The following ACADM variants were observed in gnomAD, a reference collection of about 807,000 sequenced individuals.
ACADM encodes the protein acyl-CoA dehydrogenase medium chain, also known as medium-chain specific acyl-CoA dehydrogenase, mitochondrial.
ACADM carries 49 observed loss-of-function variants against 58.9 expected under a neutral mutation model. The observed-to-expected ratio is 0.83, with a 90% CI of 0.66 to 1.06. The LOEUF is 1.06. ACADM is among the 50% of genes least tolerant of loss of function. ACADM has a pLI of 0.00. For missense variants in ACADM, 496 were observed against 507.0 expected (o/e 0.98, Z 0.21); for synonymous variants, 160 against 157.7 (o/e 1.01, Z -0.11).
At position 75,759,969 on chromosome 1, in the gene ACADM, C is replaced by A. The variant is rs557187825; in HGVS notation, c.946-1153C>A. Among the ~76,000 whole-genome samples, 355 of 151,842 alleles carry A rather than the reference C, an allele frequency of 2.3e-3. 4 individuals are homozygous for A. The highest frequency in any genetic ancestry group is 8.2e-3 in the African/African-American group (342 of 41,462). Reference sequence around the variant, plus strand: ...AGCCACTGTGCCCAGCCAGCAATTTCTTCTAGAAAGTCCCAGCAGAGGCTG... The same window carrying A: ...AGCCACTGTGCCCAGCCAGCAATTTATTCTAGAAAGTCCCAGCAGAGGCTG... On this transcript the variant is annotated intron_variant, in intron 10 of 11. Coordinates refer to ENST00000370841, the MANE Select transcript of ACADM (RefSeq NM_000016.6).
intron 7 of ACADM, 66 bp downstream of exon 7, chr1:75,740,176 T>G (rs1647490355): frequency 6.7e-7 from 1 of 1,486,306 alleles, no homozygotes; most frequent in Non-Finnish European, 9.3e-7. Context: ...CTCTCTTTCT[T>G]TCTGTATATT....
At chr1:75,762,584 A>G (rs1648911465) in intron 11 of ACADM, 108 bp from the exon 12 acceptor site, 4 of 737,982 alleles carry the variant, frequency 5.4e-6, no homozygotes, top group Non-Finnish European at 9.6e-6. Context: ...ATATGGTTTG[A>G]TTCGGTTTTA....
chr1:75,743,698 G>A lies in ACADM; in HGVS notation c.600-2108G>A. The A allele has an allele frequency of 2.0e-6, 3 of 1,485,934 alleles. No individual in the cohort carries two copies. The Admixed American group carries it at 5.0e-5, about 25-fold the overall frequency. 92.0% of individuals were successfully genotyped at this position (1,485,934 alleles called of 1,614,324 possible). On this transcript the variant is annotated intron_variant, in intron 7 of 11. Transcript: ENST00000370841. ...GGTACCACCATCCATATCTTCAATG[G>A]CAAATTCATTCTTTCGGGCCTTCTC...
chr1:75,749,160 T>TA (rs1648060847), intron 8 of ACADM, among the ~76,000 whole-genome samples: 1 of 152,194 alleles, frequency 6.6e-6, no homozygotes, highest in African/African-American at 2.4e-5. Context: ...AAATTATAAA[T>TA]ATTTCAGGCT....
chr1:75,758,496 C>T (rs1409046641), intron 10 of ACADM, among the ~76,000 whole-genome samples: 1 of 152,210 alleles, frequency 6.6e-6, no homozygotes, highest in African/African-American at 2.4e-5. Context: ...GCTCTCCAAA[C>T]CCTGTCCTCT....
chr1:75,728,626 C>T (rs1647093481), intron 2 of ACADM, 138 bp downstream of exon 2: 2 of 640,046 alleles, frequency 3.1e-6, no homozygotes, highest in South Asian at 1.6e-5. Flanking sequence ...AGATAATTTA[C>T]AATAACTCAC....
intron 8 of ACADM, among the ~76,000 whole-genome samples, chr1:75,746,583 G>T (rs1450342638): frequency 1.3e-5 from 2 of 149,010 alleles, no homozygotes; most frequent in Non-Finnish European, 3.0e-5. Flanking sequence ...GGAAAGAAAT[G>T]AAGTCAATAA....
At chr1:75,753,442 TC>T (rs1418673370) in intron 10 of ACADM, among the ~76,000 whole-genome samples, 1 of 151,984 alleles carries the variant, frequency 6.6e-6, no homozygotes, top group Admixed American at 6.5e-5. Context: ...ACCAAGTATT[TC>T]TTTGTTAACT....
intron 4 of ACADM, 97 bp from the exon 5 acceptor site, chr1:75,733,431 A>C: frequency 8.0e-7 from 1 of 1,249,888 alleles, no homozygotes; most frequent in Non-Finnish European, 1.2e-6. Flanking sequence ...TTTTAAAACA[A>C]ATTTTGGTCA....
intron 10 of ACADM, among the ~76,000 whole-genome samples, chr1:75,759,974 A>C (rs1036738644): frequency 6.6e-5 from 10 of 151,724 alleles, no homozygotes; most frequent in Non-Finnish European, 1.3e-4. Context: ...AATTTCTTCT[A>C]GAAAGTCCCA....
chr1:75,742,629 C>T (rs1297653446), intron 7 of ACADM, among the ~76,000 whole-genome samples: 1 of 152,126 alleles, frequency 6.6e-6, no homozygotes, highest in Non-Finnish European at 1.5e-5. Context: ...TAAGTAAGAA[C>T]AAGGTGCTAG....
chr1:75,759,075 GAAACTCTGGACACATCTGAAGGAAC>G (rs1430486877), intron 10 of ACADM, among the ~76,000 whole-genome samples: 9 of 152,212 alleles, frequency 5.9e-5, no homozygotes, highest in Non-Finnish European at 1.3e-4. Context: ...CTGGAAGGAA[GAAACTCTGGACACATCTGAAGGAAC>G]AAACTCCAGA....
intron 2 of ACADM, among the ~76,000 whole-genome samples, chr1:75,729,295 C>CTTTTTTTTTTTTTT (rs35372302): frequency 2.3e-5 from 2 of 85,342 alleles, no homozygotes; most frequent in Non-Finnish European, 4.3e-5. Flanking sequence ...TTTCTTTTTT[C>CTTTTTTTTTTTTTT]TTTTTTTTTT....
chr1:75,738,012 G>A (rs1647363975), intron 6 of ACADM, among the ~76,000 whole-genome samples: 1 of 152,048 alleles, frequency 6.6e-6, no homozygotes, highest in African/African-American at 2.4e-5. Context: ...TGCCTCCCAG[G>A]TTCAAGCGAT....
chr1:75,753,105 T>TC (rs1196595687), intron 10 of ACADM, among the ~76,000 whole-genome samples: 4 of 152,178 alleles, frequency 2.6e-5, no homozygotes, highest in Non-Finnish European at 5.9e-5. Flanking sequence ...TCCTTTTTTT[T>TC]CTTGTTCTTT....
chr1:75,748,678 G>A (rs922689792), intron 8 of ACADM, among the ~76,000 whole-genome samples: 2 of 152,108 alleles, frequency 1.3e-5, no homozygotes, highest in Non-Finnish European at 2.9e-5. Context: ...AAGACTACGC[G>A]GAGAGAAATC....
At chr1:75,727,486 C>T (rs1233253445) in intron 1 of ACADM, among the ~76,000 whole-genome samples, 3 of 152,204 alleles carry the variant, frequency 2.0e-5, no homozygotes, top group East Asian at 1.9e-4. Context: ...TCAAGAACAC[C>T]ATTGTGGTTC....
chr1:75,760,091 G>C (rs369963037), intron 10 of ACADM, among the ~76,000 whole-genome samples: 291 of 151,624 alleles, frequency 1.9e-3, no homozygotes, highest in African/African-American at 6.7e-3. Flanking sequence ...GGAACAGCCT[G>C]GGCAACATAG....
chr1:75,762,623 AAAATGT>A (rs1456995664), intron 11 of ACADM, 63 bp from the exon 12 acceptor site: 2 of 1,027,066 alleles, frequency 1.9e-6, no homozygotes, highest in Non-Finnish European at 3.0e-6. Context: ...GCTACTGTCT[AAAATGT>A]TGAATAAATC....
Sources: allele counts gnomAD v4.1 joint callset (sites outside exome capture counted in the v4.1 genomes callset), GRCh38; gene constraint gnomAD v4.1.1; transcripts MANE v1.5; gene names NCBI Gene and HGNC (gene_info 2026-07-23, HGNC 2026-07-21).